Variants in METTL25 observed in about 807,000 individuals in gnomAD.
METTL25 encodes methyltransferase like 25.
METTL25 carries 64 observed loss-of-function variants against 71.6 expected under a neutral mutation model. That is an observed-to-expected ratio of 0.89 (90% CI 0.73 to 1.10). METTL25 has a LOEUF of 1.10. METTL25 is among the 50% of genes least tolerant of loss of function. The pLI is 0.00. For missense variants in METTL25, 807 were observed against 707.0 expected, an observed-to-expected ratio of 1.14 and a Z score of -1.60; for synonymous variants, 287 against 250.3, an observed-to-expected ratio of 1.15 and a Z score of -1.38.
At chr12:82,443,917 A>G (rs1481421812) in intron 8 of METTL25, among the ~76,000 whole-genome samples, 2 of 152,096 alleles carry the variant, frequency 1.3e-5, no homozygotes, top group African/African-American at 4.8e-5. Context: ...CACCTCCAAC[A>G]TTGGGGATCA....
At chr12:82,465,622 G>C (rs900490047) in intron 9 of METTL25, among the ~76,000 whole-genome samples, 3 of 151,634 alleles carry the variant, frequency 2.0e-5, no homozygotes, top group Non-Finnish European at 4.4e-5. Context: ...CTCGTATAAT[G>C]AGTTAGTAAG....
In METTL25 at chr12:82,463,880, T is replaced by C. The variant is rs554742930; in HGVS notation, c.1572+7060T>C. Among the ~76,000 whole-genome samples, 6 of 152,178 alleles carry C rather than the reference T, an allele frequency of 3.9e-5. No individual in the cohort carries two copies. The South Asian group carries it at 1.2e-3, about 31-fold the overall frequency. ...TCTATATTTTCTGGCCATTTGTATG[T>C]CTTCTTTTGAGAAATATCAGTGCAG... On this transcript the variant is annotated intron_variant, in intron 9 of 11. Transcript: ENST00000248306.
intron 5 of METTL25, among the ~76,000 whole-genome samples, chr12:82,414,341 G>C (rs151075108): frequency 1.3e-5 from 2 of 152,330 alleles, no homozygotes; most frequent in East Asian, 1.9e-4. Context: ...GTGATCTTCA[G>C]TCAGCTCTGT....
intron 3 of METTL25, 45 bp downstream of exon 3, chr12:82,389,967 C>T: frequency 9.3e-7 from 1 of 1,075,406 alleles, no homozygotes; most frequent in Non-Finnish European, 1.4e-6. Flanking sequence ...ATTATTGCCA[C>T]TTTTTGGTAT....
intron 1 of METTL25, among the ~76,000 whole-genome samples, chr12:82,378,936 G>A (rs2136905658): frequency 6.6e-6 from 1 of 152,222 alleles, no homozygotes; most frequent in South Asian, 2.1e-4. Flanking sequence ...GGAGGCTGAG[G>A]TGAGAGGATC....
At chr12:82,469,332 A>G (rs1244167366) in intron 9 of METTL25, among the ~76,000 whole-genome samples, 6 of 152,150 alleles carry the variant, frequency 3.9e-5, no homozygotes. Context: ...TTTATAAAGG[A>G]AAGAGGTTTA....
At chr12:82,407,288 T>G (rs1482537084) in intron 5 of METTL25, among the ~76,000 whole-genome samples, 1 of 152,134 alleles carries the variant, frequency 6.6e-6, no homozygotes, top group Non-Finnish European at 1.5e-5. Flanking sequence ...TAGTCTTGTA[T>G]CCTGCCTGGG....
At chr12:82,421,003 A>G (rs192962157) in intron 5 of METTL25, among the ~76,000 whole-genome samples, 1 of 152,262 alleles carries the variant, frequency 6.6e-6, no homozygotes, top group African/African-American at 2.4e-5. Context: ...CTCGGATTAC[A>G]GGTGCCCATC....
rs769253246 is a variant in METTL25, at chr12:82,477,266, AT to A, written c.1648-8del. On this transcript the variant is annotated splice_polypyrimidine_tract_variant and intron_variant, in intron 10 of 11. Coordinates refer to ENST00000248306, the MANE Select transcript of METTL25 (RefSeq NM_032230.3). The stretch of plus-strand genomic sequence containing the variant: ...TAAGTACCACCAACCTACCTATCTA[AT>A]TTTTTTATTTTAGTTGAAAGTTGTA... The A allele has an allele frequency of 1.8e-5, 25 of 1,415,414 alleles. No individual in the cohort carries two copies. The highest frequency in any genetic ancestry group is 4.1e-5 in the South Asian group (3 of 74,042). 87.7% of individuals were successfully genotyped at this position (1,415,414 alleles called of 1,614,324 possible). A position where few individuals can be genotyped will look rare whatever the true frequency, so the allele number is the denominator to read the frequency against.
intron 9 of METTL25, among the ~76,000 whole-genome samples, chr12:82,470,511 A>G (rs1238807062): frequency 6.6e-6 from 1 of 152,188 alleles, no homozygotes; most frequent in Non-Finnish European, 1.5e-5. Flanking sequence ...TAGGCACTAC[A>G]GTAAACAACC....
At chr12:82,373,872 G>A (rs1403205632) in intron 1 of METTL25, among the ~76,000 whole-genome samples, 2 of 152,186 alleles carry the variant, frequency 1.3e-5, no homozygotes, top group Non-Finnish European at 1.5e-5. Context: ...CATGCTAGTC[G>A]CTTTTAACTG....
rs75702689 is a variant in METTL25 at position 82,458,909 on chromosome 12, C to T, written c.1572+2089C>T. Among the ~76,000 whole-genome samples the T allele has an allele frequency of 6.1e-3, 925 of 152,158 alleles. 10 individuals carry two copies. The highest frequency in any genetic ancestry group is 0.021 in the African/African-American group (892 of 41,512). On this transcript the variant is annotated intron_variant, in intron 9 of 11. Coordinates refer to ENST00000248306, the MANE Select transcript of METTL25 (RefSeq NM_032230.3). ...TGCCACCCAAGAAAGGGTAAAAATACGGAGAAGCACTGATAAAGTTTGTAG... is the reference window on the plus strand; with the variant it reads ...TGCCACCCAAGAAAGGGTAAAAATATGGAGAAGCACTGATAAAGTTTGTAG...
intron 5 of METTL25, among the ~76,000 whole-genome samples, chr12:82,417,459 A>C (rs1180046219): frequency 6.6e-6 from 1 of 152,200 alleles, no homozygotes; most frequent in Non-Finnish European, 1.5e-5. Context: ...TACGTTAAAA[A>C]GTTAAAGTTT....
chr12:82,424,494 C>T (rs1458491648), intron 5 of METTL25, among the ~76,000 whole-genome samples: 2 of 151,854 alleles, frequency 1.3e-5, no homozygotes, highest in African/African-American at 2.4e-5. Context: ...ATGTAACTAA[C>T]CTGCACATTG....
intron 9 of METTL25, chr12:82,476,427 TTTTA>T (rs1157301568): frequency 2.3e-5 from 10 of 436,360 alleles, no homozygotes; most frequent in African/African-American, 1.9e-4. Context: ...TTGCTGGTGG[TTTTA>T]TTTATGATGT....
At chr12:82,472,398 C>T (rs1892622721) in intron 9 of METTL25, among the ~76,000 whole-genome samples, 1 of 152,146 alleles carries the variant, frequency 6.6e-6, no homozygotes, top group Non-Finnish European at 1.5e-5. Flanking sequence ...GGAGATCGAG[C>T]CCATCCTGGC....
At chr12:82,382,409 C>T (rs1884525202) in intron 1 of METTL25, among the ~76,000 whole-genome samples, 1 of 152,164 alleles carries the variant, frequency 6.6e-6, no homozygotes, top group Admixed American at 6.5e-5. Context: ...ACCTTTTTCT[C>T]ATCCTGAGAT....
intron 5 of METTL25, among the ~76,000 whole-genome samples, chr12:82,421,518 A>C (rs7488252): frequency 0.85 from 128,905 of 152,054 alleles, 55,027 homozygotes; most frequent in East Asian, 1. Context: ...CCAATGAAAT[A>C]TCCATTTGGA....
intron 8 of METTL25, among the ~76,000 whole-genome samples, chr12:82,449,857 T>C (rs574506488): frequency 2.0e-5 from 3 of 152,060 alleles, no homozygotes; most frequent in Non-Finnish European, 4.4e-5. Flanking sequence ...CTTTCCTTTA[T>C]AGCAAAATTC....
Sources: allele counts gnomAD v4.1 joint callset (sites outside exome capture counted in the v4.1 genomes callset), GRCh38; gene constraint gnomAD v4.1.1; transcripts MANE v1.5; gene names NCBI Gene and HGNC (gene_info 2026-07-23, HGNC 2026-07-21).